Variants in PTPRT observed in about 807,000 individuals in gnomAD.
The protein encoded by PTPRT is receptor-type tyrosine-protein phosphatase T.
PTPRT carries 56 observed loss-of-function variants against 176.8 expected under a neutral mutation model. That is an observed-to-expected ratio of 0.32 (90% CI 0.26 to 0.40). PTPRT has a LOEUF of 0.40. Among genes scored for constraint, PTPRT ranks in the 10% least tolerant of loss-of-function variants. The probability of loss-of-function intolerance (pLI) is 1.00; values close to 1 mark genes in which losing one functional copy is unlikely to be tolerated. For synonymous variants in PTPRT, 783 were observed against 739.0 expected (o/e 1.06, Z -0.96); for missense variants, 1,540 against 1,908.2 (o/e 0.81, Z 3.60).
At chr20:42,699,829 G>T (rs1378784225) in intron 6 of PTPRT, among the ~76,000 whole-genome samples, 1 of 152,156 alleles carries the variant, frequency 6.6e-6, no homozygotes, top group African/African-American at 2.4e-5. Context: ...ATTTTTCTGT[G>T]ATTGTGTTAC....
intron 11 of PTPRT, among the ~76,000 whole-genome samples, chr20:42,316,596 A>C (rs1235026712): frequency 6.6e-6 from 1 of 152,182 alleles, no homozygotes; most frequent in Non-Finnish European, 1.5e-5. Flanking sequence ...CCATTGTCCA[A>C]ATTATACAAT....
intron 7 of PTPRT, among the ~76,000 whole-genome samples, chr20:42,551,449 T>C (rs1203866399): frequency 6.6e-6 from 1 of 152,216 alleles, no homozygotes; most frequent in African/African-American, 2.4e-5. Flanking sequence ...CCAAGCATAA[T>C]TGATGCTGCC....
intron 1 of PTPRT, among the ~76,000 whole-genome samples, chr20:42,942,028 T>C (rs932782559): frequency 6.2e-5 from 9 of 145,354 alleles, no homozygotes; most frequent in Non-Finnish European, 1.2e-4. Context: ...TTACAAGGGA[T>C]AGGGGTAGGA....
At chr20:42,508,055 C>A (rs2071879658) in intron 7 of PTPRT, among the ~76,000 whole-genome samples, 1 of 151,350 alleles carries the variant, frequency 6.6e-6, no homozygotes, top group Admixed American at 6.6e-5. Context: ...GCATTGTATT[C>A]CCAGGCCTGA....
At chr20:42,650,218 AAACAGC>A (rs1211191887) in intron 7 of PTPRT, among the ~76,000 whole-genome samples, 5 of 152,226 alleles carry the variant, frequency 3.3e-5, no homozygotes, top group Admixed American at 3.3e-4. Context: ...TTGTCCAAGT[AAACAGC>A]AGAACCAGGA....
At chr20:43,019,667 G>A (rs1235630830) in intron 1 of PTPRT, among the ~76,000 whole-genome samples, 1 of 151,430 alleles carries the variant, frequency 6.6e-6, no homozygotes, top group African/African-American at 2.4e-5. Context: ...CTGTGTCTGT[G>A]AGAATATTTC....
rs1198961926 is a variant in PTPRT at position 42,090,283 on chromosome 20, G to A, written c.3847-4430C>T. On this transcript the variant is annotated intron_variant, in intron 27 of 30. Transcript: ENST00000373187. ...TAGCTTTTATGAAAATTTCTCTTTA[G>A]GATAATACTCAAAGGACTGCCCGTG... is the stretch of plus-strand genomic sequence containing the variant. Among the ~76,000 whole-genome samples the A allele has an allele frequency of 2.0e-5, 3 of 151,614 alleles. No individual in the cohort carries two copies. The East Asian group carries it at 5.8e-4, about 29-fold the overall frequency.
At chr20:42,584,730 T>C (rs556419831) in intron 7 of PTPRT, among the ~76,000 whole-genome samples, 6 of 152,346 alleles carry the variant, frequency 3.9e-5, no homozygotes, top group Non-Finnish European at 5.9e-5. Context: ...AGAAACGTTG[T>C]CTGCTTTTAT....
chr20:42,205,112 T>C (rs1483298416), intron 15 of PTPRT, among the ~76,000 whole-genome samples: 1 of 151,000 alleles, frequency 6.6e-6, no homozygotes, highest in Non-Finnish European at 1.5e-5. Flanking sequence ...GAGATATACC[T>C]AATGTTAAAT....
intron 7 of PTPRT, among the ~76,000 whole-genome samples, chr20:42,592,341 C>G (rs2073594865): frequency 6.6e-6 from 1 of 152,302 alleles, no homozygotes; most frequent in Non-Finnish European, 1.5e-5. Context: ...GCAACCTCCA[C>G]TTGTGCTTCT....
At chr20:42,035,957 G>A in the PTPRT span, among the ~76,000 whole-genome samples, 1 of 152,212 alleles carries the variant, frequency 6.6e-6, no homozygotes, top group Non-Finnish European at 1.5e-5. Context: ...GGGTTTGGGT[G>A]TAAGTAGTTT....
At chr20:43,178,177 T>C (rs1451239719) in intron 1 of PTPRT, among the ~76,000 whole-genome samples, 1 of 152,212 alleles carries the variant, frequency 6.6e-6, no homozygotes, top group Non-Finnish European at 1.5e-5. Flanking sequence ...CTAATAAAAA[T>C]GATCTCAAAA....
At chr20:42,418,257 T>A (rs146444329) in intron 9 of PTPRT, among the ~76,000 whole-genome samples, 1 of 152,216 alleles carries the variant, frequency 6.6e-6, no homozygotes, top group Non-Finnish European at 1.5e-5. Flanking sequence ...CTATACATTA[T>A]TAAAATAATT....
Position 43,048,315 on chromosome 20 carries a change from G to A in PTPRT, c.88+141331C>T, listed in dbSNP as rs144887371. ...AGGGGTTGGTGGATAGACAGTCCAC[G>A]AGCCCTGGCTGGGGAGACTGTCAGG... On this transcript the variant is annotated intron_variant, in intron 1 of 30. Transcript: ENST00000373187. Among the ~76,000 whole-genome samples the A allele has an allele frequency of 4.8e-4, 73 of 152,268 alleles. 1 individual carries two copies. The East Asian group carries it at 0.013, about 27-fold the overall frequency.
intron 7 of PTPRT, among the ~76,000 whole-genome samples, chr20:42,580,312 T>G (rs1236306498): frequency 2.6e-5 from 4 of 152,222 alleles, no homozygotes; most frequent in African/African-American, 4.8e-5. Context: ...TGTAGCCTTG[T>G]AGTATAGTTT....
chr20:43,128,845 C>A (rs1332658544), intron 1 of PTPRT, among the ~76,000 whole-genome samples: 1 of 152,176 alleles, frequency 6.6e-6, no homozygotes, highest in Non-Finnish European at 1.5e-5. Flanking sequence ...CCACAGCTGC[C>A]CACACTGTAA....
chr20:43,136,457 C>T (rs539342226), intron 1 of PTPRT, among the ~76,000 whole-genome samples: 3 of 152,300 alleles, frequency 2.0e-5, no homozygotes, highest in African/African-American at 7.2e-5. Context: ...AAGAAAAGAA[C>T]AAATGTTCTA....
intron 15 of PTPRT, among the ~76,000 whole-genome samples, chr20:42,227,013 T>C (rs569056863): frequency 6.6e-6 from 1 of 152,178 alleles, no homozygotes; most frequent in Non-Finnish European, 1.5e-5. Flanking sequence ...TCATAAGCAA[T>C]GAAGAGTGCA....
chr20:42,508,311 T>A (rs376236884), intron 7 of PTPRT, among the ~76,000 whole-genome samples: 2 of 152,098 alleles, frequency 1.3e-5, no homozygotes, highest in African/African-American at 2.4e-5. Context: ...TGGATTTTAA[T>A]GCAAACTTCA....
Sources: allele counts gnomAD v4.1 joint callset (sites outside exome capture counted in the v4.1 genomes callset), GRCh38; gene constraint gnomAD v4.1.1; transcripts MANE v1.5; gene names NCBI Gene and HGNC (gene_info 2026-07-23, HGNC 2026-07-21).